Variants in ANO3 observed in about 807,000 individuals in gnomAD.
The protein encoded by ANO3 is anoctamin-3.
ANO3 carries 99 observed loss-of-function variants against 144.8 expected under a neutral mutation model. The ratio of observed to expected loss-of-function variants is 0.68; its 90% confidence interval spans 0.58 to 0.81. ANO3 has a LOEUF of 0.81. Among genes scored for constraint, ANO3 ranks in the 30% least tolerant of loss-of-function variants. The pLI is 0.00. For synonymous variants in ANO3, 414 were observed against 392.6 expected, an observed-to-expected ratio of 1.05 and a Z score of -0.64; for missense variants, 905 against 1,202.2, an observed-to-expected ratio of 0.75 and a Z score of 3.66.
At chr11:26,284,849 G>A (rs1396387981) in intron 1 of ANO3, among the ~76,000 whole-genome samples, 1 of 152,172 alleles carries the variant, frequency 6.6e-6, no homozygotes, top group African/African-American at 2.4e-5. Context: ...AGCCTGCAGT[G>A]AGCCGAGATC....
rs1307617671 is a variant in ANO3, at chr11:26,661,870, G to A, written c.*1426G>A. The A allele has an allele frequency of 6.6e-6, 1 of 152,036 alleles. No individual in the cohort carries two copies. The highest frequency in any genetic ancestry group is 1.5e-5 in the Non-Finnish European group (1 of 67,978). 9.4% of individuals were successfully genotyped at this position (152,036 alleles called of 1,614,324 possible). On this transcript the variant is annotated 3_prime_UTR_variant, in exon 27 of 27. Coordinates refer to ENST00000256737, the MANE Select transcript of ANO3 (RefSeq NM_031418.4). ...AAGAAAGAGAAGAGCTGAAGTAAAT[G>A]TATGGTAGAAATTAAGACGTTTCTT...
At chr11:26,197,774 C>T (rs546202018) in intron 1 of ANO3, among the ~76,000 whole-genome samples, 2 of 152,292 alleles carry the variant, frequency 1.3e-5, no homozygotes, top group Admixed American at 1.3e-4. Flanking sequence ...TCCCCTACCG[C>T]TTCTTTCTAA....
chr11:26,407,064 G>GTATATATA (rs1362693401), intron 1 of ANO3, among the ~76,000 whole-genome samples: 13 of 60,046 alleles, frequency 2.2e-4, no homozygotes, highest in South Asian at 7.4e-4. Context: ...GTGTGTGTGT[G>GTATATATA]TGTGTGTGTG....
chr11:26,451,302 G>A lies in ANO3; in HGVS notation c.313+7466G>A, dbSNP rs562347014. 1.4e-4 allele frequency among the ~76,000 whole-genome samples: 21 copies of A among 152,334 alleles called. No individual in the cohort carries two copies. In the South Asian group the frequency reaches 3.5e-3, roughly 26 times the overall value. Reference sequence around the variant, plus strand: ...CAAGGCATTGCCTCACTCGGGAAGCGCAAGGGGTCAGGGAGTTCCCTTTCC... The same window carrying A: ...CAAGGCATTGCCTCACTCGGGAAGCACAAGGGGTCAGGGAGTTCCCTTTCC... On this transcript the variant is annotated intron_variant, in intron 3 of 26. Transcript: ENST00000256737.
At chr11:26,379,409 A>G (rs780966971) in intron 1 of ANO3, among the ~76,000 whole-genome samples, 1 of 152,220 alleles carries the variant, frequency 6.6e-6, no homozygotes, top group Non-Finnish European at 1.5e-5. Context: ...TAGTAAAAGT[A>G]CAAGAAAAAA....
chr11:26,589,421 T>C (rs1851380453), intron 14 of ANO3, among the ~76,000 whole-genome samples: 1 of 152,020 alleles, frequency 6.6e-6, no homozygotes, highest in South Asian at 2.1e-4. Flanking sequence ...TTCTTTTTTT[T>C]TTTTTTTAGT....
At chr11:26,473,528 T>A (rs1859854025) in intron 4 of ANO3, among the ~76,000 whole-genome samples, 1 of 151,800 alleles carries the variant, frequency 6.6e-6, no homozygotes, top group Admixed American at 6.6e-5. Context: ...GGCAATTTCC[T>A]TTAAAACCAG....
chr11:26,277,162 AT>A lies in ANO3; in HGVS notation c.155-32476del, dbSNP rs1247575061. 7.9e-5 allele frequency among the ~76,000 whole-genome samples: 12 copies of A among 152,054 alleles called. No individual in the cohort carries two copies. The South Asian group carries it at 1.2e-3, about 16-fold the overall frequency. On this transcript the variant is annotated intron_variant, in intron 1 of 27. Coordinates refer to the ANO3 transcript ENST00000672621. The stretch of plus-strand genomic sequence containing the variant: ...TATTTCACAAAATATCCTTCATGTG[AT>A]TTTTTTCTTAGTAACTATTTTTGAT...
chr11:26,386,754 A>T (rs1229615081), intron 1 of ANO3, among the ~76,000 whole-genome samples: 1 of 152,170 alleles, frequency 6.6e-6, no homozygotes, highest in Non-Finnish European at 1.5e-5. Flanking sequence ...TCCATATTGG[A>T]GGTTACCTAC....
upstream of ANO3, among the ~76,000 whole-genome samples, chr11:26,308,580 G>A (rs1398404357): frequency 6.6e-6 from 1 of 152,042 alleles, no homozygotes; most frequent in Non-Finnish European, 1.5e-5. Context: ...AAAAAGTGAG[G>A]TTAAATATAT....
intron 1 of ANO3, among the ~76,000 whole-genome samples, chr11:26,366,640 T>G (rs1285615711): frequency 6.6e-6 from 1 of 152,078 alleles, no homozygotes; most frequent in Non-Finnish European, 1.5e-5. Flanking sequence ...CCAGCACCTG[T>G]TGTTTCCTGA....
intron 18 of ANO3, among the ~76,000 whole-genome samples, chr11:26,624,885 A>T (rs1471631531): frequency 1.3e-5 from 2 of 151,522 alleles, no homozygotes; most frequent in Non-Finnish European, 2.9e-5. Context: ...CACATCACCC[A>T]TTCCTATTTT....
chr11:26,250,703 T>C (rs143446959), intron 1 of ANO3, among the ~76,000 whole-genome samples: 2 of 152,336 alleles, frequency 1.3e-5, no homozygotes, highest in East Asian at 3.9e-4. Flanking sequence ...AACTTATCCA[T>C]GCATAAGTTA....
At chr11:26,550,060 A>G (rs1276266536) in intron 12 of ANO3, among the ~76,000 whole-genome samples, 1 of 151,720 alleles carries the variant, frequency 6.6e-6, no homozygotes, top group Non-Finnish European at 1.5e-5. Flanking sequence ...GAAGAAATTG[A>G]TCCTTTAAAA....
At chr11:26,300,235 C>T (rs990617950) in intron 1 of ANO3, among the ~76,000 whole-genome samples, 2 of 151,970 alleles carry the variant, frequency 1.3e-5, no homozygotes, top group Admixed American at 1.3e-4. Flanking sequence ...CACACAGACA[C>T]ACGCATACAC....
At chr11:26,232,893 G>T (rs80145419) in intron 1 of ANO3, among the ~76,000 whole-genome samples, 2,303 of 152,172 alleles carry the variant, frequency 0.015, 47 homozygotes, top group East Asian at 0.12. Flanking sequence ...TCTGACAAAG[G>T]GCTAATAGCC....
chr11:26,195,969 T>C (rs924152379), intron 1 of ANO3, among the ~76,000 whole-genome samples: 1 of 152,216 alleles, frequency 6.6e-6, no homozygotes, highest in Admixed American at 6.5e-5. Flanking sequence ...GGTGAGATGT[T>C]GCCCCATTTC....
intron 1 of ANO3, among the ~76,000 whole-genome samples, chr11:26,312,226 T>C (rs943838366): frequency 6.6e-6 from 1 of 152,240 alleles, no homozygotes; most frequent in Non-Finnish European, 1.5e-5. Flanking sequence ...TGCCACATTT[T>C]CTTAATCCAG....
chr11:26,227,577 G>A (rs1221743001), intron 1 of ANO3, among the ~76,000 whole-genome samples: 2 of 152,062 alleles, frequency 1.3e-5, no homozygotes, highest in Non-Finnish European at 2.9e-5. Context: ...GTTGATATTG[G>A]GAAATCTCTT....
Sources: gnomAD v4.1 joint callset for allele counts (sites outside exome capture counted in the v4.1 genomes callset) on GRCh38, gnomAD v4.1.1 for gene constraint, MANE v1.5 for transcripts, NCBI Gene and HGNC (gene_info 2026-07-23, HGNC 2026-07-21) for gene names.